The following ANOS1 variants were observed in gnomAD, a reference collection of about 807,000 sequenced individuals.
The protein encoded by ANOS1 is anosmin-1.
In ANOS1, 6 loss-of-function variants were observed where a neutral mutation model predicts 59.0. The observed-to-expected ratio is 0.10, with a 90% CI of 0.06 to 0.20. The LOEUF (loss-of-function observed/expected upper bound fraction) is 0.20, where lower values mean the gene tolerates loss of function less well. ANOS1 is among the 10% of genes least tolerant of loss of function. The pLI is 1.00. For synonymous variants in ANOS1, 217 were observed against 223.4 expected (o/e 0.97, Z 0.25); for missense variants, 433 against 542.3 (o/e 0.80, Z 2.00).
chrX:8,628,194 A>T (rs1172869695), intron 2 of ANOS1, among the ~76,000 whole-genome samples: 1 of 111,860 alleles, frequency 8.9e-6, no homozygotes, highest in Non-Finnish European at 1.9e-5. Flanking sequence ...CAGTGCCATG[A>T]CAGTTTACAA....
intron 2 of ANOS1, among the ~76,000 whole-genome samples, chrX:8,689,289 C>A (rs1271409075): frequency 9.0e-6 from 1 of 110,730 alleles, no homozygotes; most frequent in African/African-American, 3.3e-5. Flanking sequence ...TCTGCCTTTG[C>A]ATCAGAGATG....
intron 8 of ANOS1, among the ~76,000 whole-genome samples, chrX:8,554,560 T>TG (rs1475533620): frequency 0.017 from 1,667 of 100,112 alleles, 33 homozygotes; most frequent in African/African-American, 0.059. Context: ...TTTTTTTTTT[T>TG]TTTTTTTTTT....
In ANOS1 at chrX:8,732,065, C is replaced by T. The variant is rs1222629678; in HGVS notation, c.-29G>A. Reference sequence around the variant, plus strand: ...TGCGGGTCGAGGGCGAGGGCGAGGGCGCCGGGCGCGGGCCGAGGCTCCCTG... The same window carrying T: ...TGCGGGTCGAGGGCGAGGGCGAGGGTGCCGGGCGCGGGCCGAGGCTCCCTG... On this transcript the variant is annotated 5_prime_UTR_variant, in exon 1 of 14. Coordinates refer to ENST00000262648, the MANE Select transcript of ANOS1 (RefSeq NM_000216.4). 2 of 908,738 alleles carry T rather than the reference C, an allele frequency of 2.2e-6. No homozygotes were observed. The highest frequency in any genetic ancestry group is 2.7e-6 in the Non-Finnish European group (2 of 734,128). 74.9% of individuals were successfully genotyped at this position (908,738 alleles called of 1,213,427 possible).
intron 6 of ANOS1, among the ~76,000 whole-genome samples, chrX:8,582,913 G>A (rs760048461): frequency 1.3e-4 from 15 of 111,850 alleles, no homozygotes; most frequent in Admixed American, 1.2e-3. Context: ...GAGGATTTGC[G>A]GTGGCTTGCA....
At chrX:8,641,818 A>C (rs1044226100) in intron 2 of ANOS1, among the ~76,000 whole-genome samples, 1 of 111,572 alleles carries the variant, frequency 9.0e-6, no homozygotes, top group African/African-American at 3.3e-5. Context: ...ATTTAAGATT[A>C]ATGCTTAGAG....
At chrX:8,664,259 T>G (rs182284909) in intron 2 of ANOS1, among the ~76,000 whole-genome samples, 1 of 111,828 alleles carries the variant, frequency 8.9e-6, no homozygotes, top group Non-Finnish European at 1.9e-5. Flanking sequence ...GGCGCGATCT[T>G]GGCTCACTGC....
At chrX:8,575,600 TTTATGAAACA>T (rs199550571) in intron 6 of ANOS1, among the ~76,000 whole-genome samples, 17,037 of 111,038 alleles carry the variant, frequency 0.15, 1,420 homozygotes, top group African/African-American at 0.28. Flanking sequence ...CATCATCTAT[TTTATGAAACA>T]TTATGAAACA....
Position 8,668,287 on chromosome X carries a change from G to C in ANOS1, c.255+31411C>G, listed in dbSNP as rs187286869. Among the ~76,000 whole-genome samples, 553 of 105,452 alleles carry C rather than the reference G, an allele frequency of 5.2e-3. 4 individuals carry two copies. Among genetic ancestry groups the C allele is most frequent in the African/African-American group, 0.018 (532 of 28,976 alleles). The allele number at this position is 105,452 out of a possible 115,157, so 91.6% of individuals were successfully genotyped here. On this transcript the variant is annotated intron_variant, in intron 2 of 13. Transcript: ENST00000262648. ...TAGGAGTGAGAATATATGATGTTTA[G>C]TTTTCCATTCCTGAGTTACTTCACT... is the stretch of plus-strand genomic sequence containing the variant.
intron 4 of ANOS1, among the ~76,000 whole-genome samples, chrX:8,595,714 C>T (rs1291421292): frequency 1.8e-5 from 2 of 111,271 alleles, no homozygotes; most frequent in African/African-American, 6.5e-5. Context: ...ACATCTGTTA[C>T]TCTCTCTGTA....
intron 1 of ANOS1, among the ~76,000 whole-genome samples, chrX:8,709,267 TA>T (rs369636682): frequency 2.1e-3 from 209 of 97,425 alleles, no homozygotes; most frequent in Middle Eastern, 5.1e-3. Flanking sequence ...AAAGTGTAAT[TA>T]AAAAAAAAAA....
chrX:8,716,382 G>T (rs1415348060), intron 1 of ANOS1, among the ~76,000 whole-genome samples: 1 of 112,115 alleles, frequency 8.9e-6, no homozygotes, highest in Non-Finnish European at 1.9e-5. Context: ...CATTTATTCA[G>T]AAGATGAAAA....
chrX:8,619,403 A>T (rs185898972), intron 3 of ANOS1, among the ~76,000 whole-genome samples: 348 of 111,619 alleles, frequency 3.1e-3, no homozygotes, highest in African/African-American at 7.1e-3. Context: ...CAGGAGATGG[A>T]GACCATCCTG....
intron 8 of ANOS1, among the ~76,000 whole-genome samples, chrX:8,565,277 A>G (rs1930091345): frequency 8.9e-6 from 1 of 112,179 alleles, no homozygotes; most frequent in South Asian, 3.7e-4. Flanking sequence ...ACAATAGATG[A>G]AATCTCCACC....
Position 8,656,823 on chromosome X carries a change from C to T in ANOS1, c.256-33153G>A, listed in dbSNP as rs149367601. On this transcript the variant is annotated intron_variant, in intron 2 of 13. Coordinates refer to ENST00000262648, the MANE Select transcript of ANOS1 (RefSeq NM_000216.4). ...ATATGTTCCCCCAATGAGCCAGTACCTCAGGTTCCCCAGACACATGCTGAG... is the reference window on the plus strand; with the variant it reads ...ATATGTTCCCCCAATGAGCCAGTACTTCAGGTTCCCCAGACACATGCTGAG... 2.4e-3 allele frequency among the ~76,000 whole-genome samples: 271 copies of T among 111,580 alleles called. 1 individual carries two copies. Among genetic ancestry groups the T allele is most frequent in the African/African-American group, 7.8e-3 (239 of 30,680 alleles).
chrX:8,600,958 A>C (rs781547961), intron 3 of ANOS1, among the ~76,000 whole-genome samples: 1 of 111,668 alleles, frequency 9.0e-6, no homozygotes, highest in Non-Finnish European at 1.9e-5. Context: ...TGGGAGGCCG[A>C]GGCAGGTGGA....
chrX:8,537,702 G>A (rs1243212124), intron 10 of ANOS1, among the ~76,000 whole-genome samples: 1 of 110,353 alleles, frequency 9.1e-6, no homozygotes, highest in African/African-American at 3.3e-5. Context: ...TTGAACTCAG[G>A]AGTTTGTGAC....
chrX:8,569,625 G>C (rs1025548868), intron 7 of ANOS1, among the ~76,000 whole-genome samples: 4 of 112,019 alleles, frequency 3.6e-5, no homozygotes, highest in African/African-American at 1.3e-4. Context: ...CTGAGAGACA[G>C]AGCGAGACTC....
chrX:8,583,945 T>C (rs1273226374), intron 6 of ANOS1, among the ~76,000 whole-genome samples: 1 of 111,706 alleles, frequency 9.0e-6, no homozygotes, highest in Non-Finnish European at 1.9e-5. Flanking sequence ...GCCCAGATCC[T>C]GAGGATCTTG....
At chrX:8,663,045 A>G (rs1023415217) in intron 2 of ANOS1, among the ~76,000 whole-genome samples, 1 of 111,069 alleles carries the variant, frequency 9.0e-6, no homozygotes, top group Admixed American at 9.6e-5. Flanking sequence ...ATAAAATAAA[A>G]TAAAATAAAG....
Sources: gnomAD v4.1 joint callset for allele counts (sites outside exome capture counted in the v4.1 genomes callset) on GRCh38, gnomAD v4.1.1 for gene constraint, MANE v1.5 for transcripts, NCBI Gene and HGNC (gene_info 2026-07-23, HGNC 2026-07-21) for gene names.